The following CASKIN1 variants were observed in gnomAD, a reference collection of about 807,000 sequenced individuals.
CASKIN1 encodes the protein caskin-1.
Under a neutral mutation model 117.5 loss-of-function variants are expected in CASKIN1, and 42 were observed. That is an observed-to-expected ratio of 0.36 (90% CI 0.28 to 0.46). The LOEUF (loss-of-function observed/expected upper bound fraction) is 0.46. Among genes scored for constraint, CASKIN1 ranks in the 20% least tolerant of loss-of-function variants. The pLI, the probability that CASKIN1 is intolerant of heterozygous loss-of-function variation, is 1.00. For missense variants in CASKIN1, 2,083 were observed against 2,077.3 expected, an observed-to-expected ratio of 1.00 and a Z score of -0.05; for synonymous variants, 1,148 against 961.7, an observed-to-expected ratio of 1.19 and a Z score of -3.59.
chr16:2,181,990 C>T, intron 16 of CASKIN1, 61 bp from the exon 17 acceptor site: 2 of 1,600,462 alleles, frequency 1.2e-6, no homozygotes, highest in Non-Finnish European at 1.7e-6. Context: ...GCCCATCTAC[C>T]TGGAGCTGGA....
At chr16:2,187,619 A>C (rs1023536493) in intron 6 of CASKIN1, among the ~76,000 whole-genome samples, 158 bp from the exon 7 acceptor site, 1 of 151,536 alleles carries the variant, frequency 6.6e-6, no homozygotes, top group African/African-American at 2.4e-5. Context: ...CTGAGTGCTG[A>C]GCGCTTTTTT....
rs758139579 is a variant in CASKIN1 at position 2,178,689 on chromosome 16, C to A, written c.4200-43G>T. 3.3e-6 allele frequency: 5 copies of A among 1,526,284 alleles called. 1 individual carries two copies. In the South Asian group the frequency reaches 4.7e-5, roughly 14 times the overall value. The allele number at this position is 1,526,284 out of a possible 1,614,324, so 94.5% of individuals were successfully genotyped here. A position where few individuals can be genotyped will look rare whatever the true frequency, so the allele number is the denominator to read the frequency against. ...AGGGGCGTGAGTGGGCGGGGCGGGT[C>A]TGGCCACGCCCACCCCGACCAGGAC... On this transcript the variant is annotated intron_variant, in intron 19 of 19. Coordinates refer to ENST00000343516, the MANE Select transcript of CASKIN1 (RefSeq NM_020764.4).
chr16:2,184,554 C>T (rs957939789), intron 14 of CASKIN1, among the ~76,000 whole-genome samples: 1 of 152,180 alleles, frequency 6.6e-6, no homozygotes, highest in African/African-American at 2.4e-5. Context: ...CACACAGAGG[C>T]ACAGGTTGGC....
intron 14 of CASKIN1, among the ~76,000 whole-genome samples, chr16:2,184,322 G>T (rs2093177184): frequency 6.6e-6 from 1 of 152,156 alleles, no homozygotes; most frequent in Non-Finnish European, 1.5e-5. Flanking sequence ...GGGGCCTCGG[G>T]CTGGACCGGA....
At position 2,178,462 on chromosome 16, in the gene CASKIN1, G is replaced by T. The variant is rs903011805; in HGVS notation, c.*88C>A. The stretch of plus-strand genomic sequence containing the variant: ...TCTGCAGGGCCCTGCCCGGCCGCTC[G>T]CGCCGCGCCCAGACGCGCCCATCCT... On this transcript the variant is annotated 3_prime_UTR_variant, in exon 20 of 20. Transcript: ENST00000343516. The T allele has an allele frequency of 9.2e-7, 1 of 1,081,882 alleles. No homozygotes were observed. The highest frequency in any genetic ancestry group is 1.3e-6 in the Non-Finnish European group (1 of 798,912). 67.0% of individuals were successfully genotyped at this position (1,081,882 alleles called of 1,614,324 possible).
Position 2,179,774 on chromosome 16 carries a change from G to T in CASKIN1, c.3594C>A (p.Ala1198=). 1 of 1,565,100 alleles carries T rather than the reference G, an allele frequency of 6.4e-7. No individual in the cohort carries two copies. The highest frequency in any genetic ancestry group is 1.3e-5 in the African/African-American group (1 of 74,124). ...GCGCCAGGTCGGTGGGCGGGGGTTC[G>T]GCAGGCGGGGGCGGTGGAGGCAGCT... ...PPELPPPPPP[A]EPPPTDLAHL... The change falls in exon 18 of 20, where the codon GCC becomes GCA. Residue 1198 remains alanine, a synonymous_variant. Coordinates refer to ENST00000343516, the MANE Select transcript of CASKIN1 (RefSeq NM_020764.4). This position sits in a 1 kb window ranked among gnomAD's most constrained non-coding sequence, Gnocchi z 5.8.
chr16:2,178,840 C>T (rs2093155297), intron 19 of CASKIN1, 62 bp downstream of exon 19: 1 of 1,357,248 alleles, frequency 7.4e-7, no homozygotes, highest in Non-Finnish European at 9.4e-7. Flanking sequence ...CCATCTCTGC[C>T]GAGCCCCGCC....
rs117740501 is a variant in CASKIN1 at position 2,192,885 on chromosome 16, C to T, written c.95-2527G>A. Reference sequence around the variant, plus strand: ...CCCGCGCAGCTGAGGTGCTCAGTTGCGGACTGGATCGATCTCCTCATCCCC... The same window carrying T: ...CCCGCGCAGCTGAGGTGCTCAGTTGTGGACTGGATCGATCTCCTCATCCCC... On this transcript the variant is annotated intron_variant, in intron 1 of 19. Transcript: ENST00000343516. Among the ~76,000 whole-genome samples, 42 of 152,338 alleles carry T rather than the reference C, an allele frequency of 2.8e-4. No homozygotes were observed. In the East Asian group the frequency reaches 6.4e-3, roughly 23 times the overall value.
At position 2,178,526 on chromosome 16, in the gene CASKIN1, C is replaced by A; in HGVS notation, c.*24G>T. 1 of 1,547,808 alleles carries A rather than the reference C, an allele frequency of 6.5e-7. No homozygotes were observed. The highest frequency in any genetic ancestry group is 8.7e-7 in the Non-Finnish European group (1 of 1,153,006). On this transcript the variant is annotated 3_prime_UTR_variant, in exon 20 of 20. Coordinates refer to ENST00000343516, the MANE Select transcript of CASKIN1 (RefSeq NM_020764.4). ...GTGTGCGGGGAGGGCCCGGGCGGCG[C>A]GGGAGGGCCCGGCCAGGCGGCGTTC...
intron 3 of CASKIN1, 111 bp downstream of exon 3, chr16:2,189,962 T>C: frequency 1.1e-6 from 1 of 928,484 alleles, no homozygotes; most frequent in East Asian, 3.2e-5. Flanking sequence ...CTGCCTGAAA[T>C]CAGACTGAGA....
Position 2,180,141 on chromosome 16 carries a change from G to C in CASKIN1, c.3227C>G (p.Thr1076Ser), listed in dbSNP as rs756095265. 7.1e-6 allele frequency: 11 copies of C among 1,555,384 alleles called. No individual in the cohort carries two copies. The East Asian group carries it at 2.7e-4, about 38-fold the overall frequency. The change falls in exon 18 of 20, where the codon ACT becomes AGT. Residue 1076 changes from threonine to serine, a missense_variant. Around this residue, in one of 3 missense-constraint regions of CASKIN1, gnomAD observed 1,818 missense variants for 1,688.9 expected, o/e 1.08. Coordinates refer to ENST00000343516, the MANE Select transcript of CASKIN1 (RefSeq NM_020764.4). ...LSGPVTGLLA[T>S]ARRGPGESAD... ...CGACTCCCCAGGCCCCCGGCGGGCA[G>C]TGGCCAGAAGTCCGGTGACTGGCCC...
Position 2,180,723 on chromosome 16 carries a change from C to T in CASKIN1, c.2645G>A (p.Ser882Asn). 6.9e-7 allele frequency: 1 copy of T among 1,458,568 alleles called. No individual in the cohort carries two copies. The highest frequency in any genetic ancestry group is 2.6e-5 in the East Asian group (1 of 38,340). 90.4% of individuals were successfully genotyped at this position (1,458,568 alleles called of 1,614,324 possible). ...EPGRPKKRAH[S>N]LNRYAASDSE... ...GTCGGACGCCGCATAGCGATTCAGG[C>T]TGTGGGCCCGCTTCTTGGGCCGCCC... is the stretch of plus-strand genomic sequence containing the variant. Residue 882 changes from serine to asparagine, a missense_variant, in exon 18 of 20, where the codon AGC (serine) becomes AAC (asparagine). By Grantham distance (46) the Ser-to-Asn change is conservative. Coordinates refer to ENST00000343516, the MANE Select transcript of CASKIN1 (RefSeq NM_020764.4).
Position 2,180,616 on chromosome 16 carries a change from G to T in CASKIN1, c.2752C>A (p.His918Asn). The T allele has an allele frequency of 6.4e-7, 1 of 1,566,308 alleles. No individual in the cohort carries two copies. ...ATVQRRVGRSHSVRAPAGADK... is the reference protein window; with the variant it reads ...ATVQRRVGRSNSVRAPAGADK... ...GCACCTGCGGGCGCCCTCACTGAGTGGCTGCGGCCCACGCGCCGCTGGACC... is the reference window on the plus strand; with the variant it reads ...GCACCTGCGGGCGCCCTCACTGAGTTGCTGCGGCCCACGCGCCGCTGGACC... Residue 918 changes from histidine (H) to asparagine (N), a missense_variant, in exon 18 of 20, where the codon CAC becomes AAC. This residue lies in a region of CASKIN1 where 1,818 missense variants were observed against 1,688.9 expected (regional missense o/e 1.08). Coordinates refer to ENST00000343516, the MANE Select transcript of CASKIN1 (RefSeq NM_020764.4).
rs1219094121 is a variant in CASKIN1 at position 2,177,665 on chromosome 16, G to T, written c.*885C>A. On this transcript the variant is annotated 3_prime_UTR_variant, in exon 20 of 20. Transcript: ENST00000343516. ...AGGCACACCCTCAGAGGAGCTGCAA[G>T]CCCGTGGCCTGGCCTGCTACATGCC... 2.5e-5 allele frequency: 6 copies of T among 239,236 alleles called. 1 individual carries two copies. The highest frequency in any genetic ancestry group is 1.3e-4 in the African/African-American group (6 of 45,304). The allele number at this position is 239,236 out of a possible 1,614,324, so 14.8% of individuals were successfully genotyped here.
intron 6 of CASKIN1, among the ~76,000 whole-genome samples, chr16:2,188,283 C>T (rs940476522): frequency 1.3e-5 from 2 of 151,794 alleles, no homozygotes; most frequent in Non-Finnish European, 2.9e-5. Flanking sequence ...ACCTCCCAGG[C>T]TCATGCGATC....
At position 2,189,228 on chromosome 16, in the gene CASKIN1, G is replaced by T; in HGVS notation, c.486+10C>A. 6.2e-7 allele frequency: 1 copy of T among 1,613,142 alleles called. No homozygotes were observed. The highest frequency in any genetic ancestry group is 8.5e-7 in the Non-Finnish European group (1 of 1,179,886). ...CAGCCCCACCCCACAGGGCTCCACA[G>T]GAGACTCACCCCAACGCGGCCGAAC... On this transcript the variant is annotated intron_variant, in intron 5 of 19. Transcript: ENST00000343516.
intron 10 of CASKIN1, among the ~76,000 whole-genome samples, chr16:2,185,621 G>A (rs2093181891): frequency 6.6e-6 from 1 of 152,254 alleles, no homozygotes. Context: ...CATCCTGCCG[G>A]TGGCCCTGGG....
At chr16:2,178,706 G>C (rs1404076327) in intron 19 of CASKIN1, 60 bp from the exon 20 acceptor site, 2 of 1,467,970 alleles carry the variant, frequency 1.4e-6, no homozygotes, top group Non-Finnish European at 1.8e-6. Context: ...CGCCCACCCC[G>C]ACCAGGACAC....
Position 2,179,607 on chromosome 16 carries a change from C to T in CASKIN1, c.3761G>A (p.Gly1254Asp). The T allele has an allele frequency of 4.8e-6, 7 of 1,452,148 alleles. No homozygotes were observed. The highest frequency in any genetic ancestry group is 1.5e-5 in the South Asian group (1 of 68,426). 90.0% of individuals were successfully genotyped at this position (1,452,148 alleles called of 1,614,324 possible). A position where few individuals can be genotyped will look rare whatever the true frequency, so the allele number is the denominator to read the frequency against. ...GGCTGGCCTACCTGGGCTGCCAGGG[C>T]CTGGCAGCGGCACCTTCTTGGAGGT... Reference protein sequence around the residue: ...TPTSKKVPLPGPGSPEVKRAH... With the variant: ...TPTSKKVPLPDPGSPEVKRAH... The change falls in exon 18 of 20, where the codon GGC becomes GAC. Residue 1254 changes from glycine to aspartate, a missense_variant. Physicochemically the swap from Gly to Asp is moderately conservative, Grantham distance 94. This residue lies in a region of CASKIN1 where 1,818 missense variants were observed against 1,688.9 expected (regional missense o/e 1.08). Coordinates refer to ENST00000343516, the MANE Select transcript of CASKIN1 (RefSeq NM_020764.4). This position sits in a 1 kb window ranked among gnomAD's most constrained non-coding sequence, Gnocchi z 5.8.
Sources: gnomAD v4.1 joint callset for allele counts (sites outside exome capture counted in the v4.1 genomes callset) on GRCh38, gnomAD v4.1.1 for gene constraint, gnomAD v4.1.1 regional missense constraint, Gnocchi (gnomAD v3.1) non-coding constraint, MANE v1.5 for transcripts, NCBI Gene and HGNC (gene_info 2026-07-23, HGNC 2026-07-21) for gene names.